Variants in ARHGEF38 observed in about 807,000 individuals in gnomAD.
ARHGEF38 encodes the protein Rho guanine nucleotide exchange factor 38.
Under a neutral mutation model 79.9 loss-of-function variants are expected in ARHGEF38, and 79 were observed. The ratio of observed to expected loss-of-function variants is 0.99; its 90% CI spans 0.82 to 1.19. ARHGEF38 has a LOEUF of 1.19. ARHGEF38 is among the 50% of genes most tolerant of loss of function. The probability of loss-of-function intolerance (pLI) is 0.00; values close to 1 mark genes in which losing one functional copy is unlikely to be tolerated. For missense variants in ARHGEF38, 962 were observed against 907.2 expected (o/e 1.06, Z -0.78); for synonymous variants, 366 against 328.3 (o/e 1.11, Z -1.24).
chr4:105,592,526 C>T (rs551184618), intron 2 of ARHGEF38, among the ~76,000 whole-genome samples: 244 of 152,146 alleles, frequency 1.6e-3, no homozygotes, highest in African/African-American at 5.1e-3. Flanking sequence ...TCCTTGCACA[C>T]GACCTCAATT....
Position 105,679,574 on chromosome 4 carries a change from T to C in ARHGEF38, c.*1637T>C. On this transcript the variant is annotated 3_prime_UTR_variant, in exon 14 of 14. Coordinates refer to ENST00000420470, the MANE Select transcript of ARHGEF38 (RefSeq NM_001242729.2). ...CCAATGCATCTATCGCCCCTTTCTCTTCTATCAGTATCTGAGCTGATGGTT... is the reference window on the plus strand; with the variant it reads ...CCAATGCATCTATCGCCCCTTTCTCCTCTATCAGTATCTGAGCTGATGGTT... 4.1e-6 allele frequency: 4 copies of C among 987,432 alleles called. No individual in the cohort carries two copies. Among genetic ancestry groups the C allele is most frequent in the Non-Finnish European group, 6.5e-6 (4 of 610,690 alleles). 61.2% of individuals were successfully genotyped at this position (987,432 alleles called of 1,614,324 possible). A position where few individuals can be genotyped will look rare whatever the true frequency, so the allele number is the denominator to read the frequency against.
At chr4:105,568,637 T>G (rs1019140221) in intron 1 of ARHGEF38, among the ~76,000 whole-genome samples, 1 of 152,244 alleles carries the variant, frequency 6.6e-6, no homozygotes, top group Non-Finnish European at 1.5e-5. Context: ...ATTTGTGTTG[T>G]GATGAAATTA....
chr4:105,682,289 G>T (rs1560770261), downstream of ARHGEF38, among the ~76,000 whole-genome samples: 3 of 152,080 alleles, frequency 2.0e-5, no homozygotes, highest in African/African-American at 7.2e-5. Context: ...GAGGGAGAGG[G>T]AGAGTCAGTT....
chr4:105,678,250 G>T lies in ARHGEF38; in HGVS notation c.*313G>T. ...ATTCTTTTATCATCAAGAAAGGTTG[G>T]ATCCAAAGGTTTTTCAATTTACTTT... On this transcript the variant is annotated 3_prime_UTR_variant, in exon 14 of 14. Coordinates refer to ENST00000420470, the MANE Select transcript of ARHGEF38 (RefSeq NM_001242729.2). 1 of 217,180 alleles carries T rather than the reference G, an allele frequency of 4.6e-6. No individual in the cohort carries two copies. Among genetic ancestry groups the T allele is most frequent in the Non-Finnish European group, 9.0e-6 (1 of 111,076 alleles). 13.5% of individuals were successfully genotyped at this position (217,180 alleles called of 1,614,324 possible). A position where few individuals can be genotyped will look rare whatever the true frequency, so the allele number is the denominator to read the frequency against.
intron 2 of ARHGEF38, among the ~76,000 whole-genome samples, chr4:105,597,025 C>T (rs1333035037): frequency 6.6e-6 from 1 of 152,202 alleles, no homozygotes; most frequent in Non-Finnish European, 1.5e-5. Flanking sequence ...CACCACCCTT[C>T]TCTCCCAGCC....
chr4:105,648,751 T>A, intron 7 of ARHGEF38, 69 bp downstream of exon 7: 1 of 1,431,670 alleles, frequency 7.0e-7, no homozygotes, highest in Non-Finnish European at 9.2e-7. Flanking sequence ...TGTGAGGTTT[T>A]GTTTTGTGAG....
intron 5 of ARHGEF38, among the ~76,000 whole-genome samples, chr4:105,643,662 C>CAGGGAAACTGATCATAAACTGGCAAAT (rs1419365502): frequency 1.8e-4 from 27 of 152,118 alleles, no homozygotes; most frequent in South Asian, 2.1e-4. Flanking sequence ...AGAGTGGAGA[C>CAGGGAAACTGATCATAAACTGGCAAAT]AGGGAAACTG....
rs201837610 is a variant in ARHGEF38 at position 105,668,995 on chromosome 4, G to A, written c.2148+1292G>A. On this transcript the variant is annotated intron_variant, in intron 13 of 13. Coordinates refer to ENST00000420470, the MANE Select transcript of ARHGEF38 (RefSeq NM_001242729.2). ...GGGGCGGTTGAGGCTGCAGTGAGCC[G>A]TGATCATGCCACTGCACTCCAGCCT... Among the ~76,000 whole-genome samples the A allele has an allele frequency of 5.7e-4, 87 of 152,264 alleles. 1 individual carries two copies. In the East Asian group the frequency reaches 0.012, roughly 21 times the overall value.
At chr4:105,556,654 C>T (rs552522583) in intron 1 of ARHGEF38, among the ~76,000 whole-genome samples, 34 of 152,170 alleles carry the variant, frequency 2.2e-4, no homozygotes, top group African/African-American at 7.5e-4. Flanking sequence ...GCTCATACAC[C>T]ATGAAAGAAA....
intron 1 of ARHGEF38, among the ~76,000 whole-genome samples, chr4:105,577,882 T>C (rs1194058987): frequency 6.6e-6 from 1 of 152,188 alleles, no homozygotes; most frequent in East Asian, 1.9e-4. Context: ...AACCAGCTTT[T>C]TGTTTCATTG....
intron 8 of ARHGEF38, among the ~76,000 whole-genome samples, chr4:105,655,362 T>A (rs1730278193): frequency 6.6e-6 from 1 of 152,206 alleles, no homozygotes; most frequent in Non-Finnish European, 1.5e-5. Flanking sequence ...TAAGATGGAC[T>A]GTTTAATCAA....
At chr4:105,677,670 T>C in intron 13 of ARHGEF38, 82 bp from the exon 14 acceptor site, 1 of 1,271,770 alleles carries the variant, frequency 7.9e-7, no homozygotes, top group South Asian at 2.1e-5. Flanking sequence ...TAGCATTGCT[T>C]CTAAAAGCTT....
At chr4:105,641,036 G>A (rs1260147481) in intron 5 of ARHGEF38, among the ~76,000 whole-genome samples, 4 of 151,814 alleles carry the variant, frequency 2.6e-5, no homozygotes, top group Admixed American at 1.3e-4. Context: ...GAATTATTTC[G>A]CTCACTATTT....
At position 105,631,029 on chromosome 4, in the gene ARHGEF38, T is replaced by C. The variant is rs1384533339; in HGVS notation, c.640T>C (p.Cys214Arg). ...EEELKEHLSH[C>R]IQSLKKIYMQ... is the part of the protein sequence containing the mutation. ...AGAGCTGAAGGAACATTTGAGCCACTGTATCCAGTCCTTAAAGTAAGGCCT... is the reference window on the plus strand; with the variant it reads ...AGAGCTGAAGGAACATTTGAGCCACCGTATCCAGTCCTTAAAGTAAGGCCT... Residue 214 changes from cysteine (C) to arginine (R), a missense_variant, in exon 4 of 14, where the codon TGT becomes CGT. By Grantham distance (180) the Cys-to-Arg change is radical. Coordinates refer to ENST00000420470, the MANE Select transcript of ARHGEF38 (RefSeq NM_001242729.2). 1 of 1,613,282 alleles carries C rather than the reference T, an allele frequency of 6.2e-7. No homozygotes were observed. Among genetic ancestry groups the C allele is most frequent in the Non-Finnish European group, 8.5e-7 (1 of 1,179,714 alleles).
In ARHGEF38 at chr4:105,667,616, T is replaced by A. The variant is rs1730801031; in HGVS notation, c.2061T>A (p.Gly687=). Residue 687 remains glycine (G), a synonymous_variant, in exon 13 of 14, where the codon GGT becomes GGA. Coordinates refer to ENST00000420470, the MANE Select transcript of ARHGEF38 (RefSeq NM_001242729.2). ...SVTGTSESSI[G]DSSSSLSGTC... ...CAGGCACCTCAGAAAGCAGCATTGG[T>A]GATAGCAGCTCATCTCTTAGTGGCA... 6.5e-7 allele frequency: 1 copy of A among 1,536,568 alleles called. No homozygotes were observed. The highest frequency in any genetic ancestry group is 1.4e-5 in the African/African-American group (1 of 73,064).
At chr4:105,570,293 T>C (rs1461119392) in intron 1 of ARHGEF38, 1 of 152,230 alleles carries the variant, frequency 6.6e-6, no homozygotes. Flanking sequence ...CTTATCACAA[T>C]ACATTATAAT....
At chr4:105,561,469 A>AGAATAGAATGGAATAGAATAGAATG (rs1560684572) in intron 1 of ARHGEF38, 1 of 49,660 alleles carries the variant, frequency 2.0e-5, no homozygotes, top group Non-Finnish European at 4.1e-5. Context: ...AGAATAGAAT[A>AGAATAGAATGGAATAGAATAGAATG]GAATAGAATA....
At position 105,662,503 on chromosome 4, in the gene ARHGEF38, T is replaced by A. The variant is rs576276330; in HGVS notation, c.1545+3138T>A. ...TTAAGGCTCCAAATAAATTCAGCAG[T>A]GTTTCTTCTAGTATATTTAGGGTTT... On this transcript the variant is annotated intron_variant, in intron 10 of 13. Transcript: ENST00000420470. 8.1e-4 allele frequency among the ~76,000 whole-genome samples: 123 copies of A among 152,270 alleles called. 2 individuals carry two copies. The highest frequency in any genetic ancestry group is 6.8e-3 in the Middle Eastern group (2 of 294).
At chr4:105,622,091 T>A (rs1313144773) in intron 3 of ARHGEF38, among the ~76,000 whole-genome samples, 1 of 152,116 alleles carries the variant, frequency 6.6e-6, no homozygotes, top group Admixed American at 6.6e-5. Flanking sequence ...GTCCCAGTGC[T>A]GCTAGGACTT....
Sources: allele counts gnomAD v4.1 joint callset (sites outside exome capture counted in the v4.1 genomes callset), GRCh38; gene constraint gnomAD v4.1.1; transcripts MANE v1.5; gene names NCBI Gene and HGNC (gene_info 2026-07-23, HGNC 2026-07-21).